Variants in QSOX2 observed in about 807,000 individuals in gnomAD.
QSOX2 encodes quiescin sulfhydryl oxidase 2.
A neutral mutation model predicts 61.7 loss-of-function variants in QSOX2; 46 were observed. The observed-to-expected ratio is 0.75, with a 90% confidence interval of 0.59 to 0.95. The LOEUF (loss-of-function observed/expected upper bound fraction) is 0.95. QSOX2 is among the 40% of genes least tolerant of loss of function. The pLI, the probability that QSOX2 is intolerant of heterozygous loss-of-function variation, is 0.00. For synonymous variants in QSOX2, 383 were observed against 388.4 expected (o/e 0.99, Z 0.16); for missense variants, 879 against 918.9 (o/e 0.96, Z 0.56).
chr9:136,210,501 C>T lies in QSOX2; in HGVS notation c.1549+763G>A, dbSNP rs927654934. ...AAAGCACAGGGAGCTCTGTGGGCGG[C>T]GGCGATGCAGAGGCTGCCAGGGCGG... On this transcript the variant is annotated intron_variant, in intron 11 of 11. Coordinates refer to ENST00000358701, the MANE Select transcript of QSOX2 (RefSeq NM_181701.4). The T allele has an allele frequency of 2.0e-5, 20 of 985,284 alleles. No homozygotes were observed. In the African/African-American group the frequency reaches 2.1e-4, roughly 10 times the overall value. The allele number at this position is 985,284 out of a possible 1,614,324, so 61.0% of individuals were successfully genotyped here.
chr9:136,230,560 C>G (rs1037748789), intron 1 of QSOX2, among the ~76,000 whole-genome samples: 1 of 152,204 alleles, frequency 6.6e-6, no homozygotes, highest in Admixed American at 6.5e-5. Flanking sequence ...TACTCGGCCT[C>G]CGTGACGGCA....
rs1022160159 is a variant in QSOX2 at position 136,206,826 on chromosome 9, C to T, written c.*1902G>A. 7 of 152,354 alleles carry T rather than the reference C, an allele frequency of 4.6e-5. No homozygotes were observed. Among genetic ancestry groups the T allele is most frequent in the Non-Finnish European group, 7.3e-5 (5 of 68,044 alleles). The allele number at this position is 152,354 out of a possible 1,614,324, so 9.4% of individuals were successfully genotyped here. A position where few individuals can be genotyped will look rare whatever the true frequency, so the allele number is the denominator to read the frequency against. On this transcript the variant is annotated 3_prime_UTR_variant, in exon 12 of 12. Transcript: ENST00000358701. ...AGCTGGAGACGGTAAACCACAACAC[C>T]GTCCCAGGTCACTCCAGGTCACCCC...
Position 136,223,189 on chromosome 9 carries a change from C to T in QSOX2, c.675+574G>A, listed in dbSNP as rs980137326. On this transcript the variant is annotated intron_variant, in intron 5 of 11. Coordinates refer to ENST00000358701, the MANE Select transcript of QSOX2 (RefSeq NM_181701.4). The surrounding 1 kb of genome is among the most constrained non-coding windows in gnomAD (Gnocchi z 4.4). ...GGAGAAGCTCAGGGTGAGTGCTGGG[C>T]GAACGCATGTGCAGTGAGGCCTTTC... Among the ~76,000 whole-genome samples, 1 of 152,084 alleles carries T rather than the reference C, an allele frequency of 6.6e-6. No individual in the cohort carries two copies. The highest frequency in any genetic ancestry group is 2.4e-5 in the African/African-American group (1 of 41,388).
rs551893852 is a variant in QSOX2, at chr9:136,227,101, C to T, written c.329-227G>A. 4.6e-5 allele frequency among the ~76,000 whole-genome samples: 7 copies of T among 152,310 alleles called. 1 individual carries two copies. Among genetic ancestry groups the T allele is most frequent in the African/African-American group, 1.7e-4 (7 of 41,554 alleles). On this transcript the variant is annotated intron_variant, in intron 1 of 11. Coordinates refer to ENST00000358701, the MANE Select transcript of QSOX2 (RefSeq NM_181701.4). ...CTACCACAGATAGTCACAGAACAAG[C>T]GGATTTGTGCTGAACCTGCACATCA...
At chr9:136,213,447 G>C (rs1831872496) in intron 10 of QSOX2, among the ~76,000 whole-genome samples, 1 of 151,924 alleles carries the variant, frequency 6.6e-6, no homozygotes. Flanking sequence ...AGATCAGGCA[G>C]TGTGGATGCT....
Position 136,223,435 on chromosome 9 carries a change from T to C in QSOX2, c.675+328A>G, listed in dbSNP as rs1182433278. Among the ~76,000 whole-genome samples the C allele has an allele frequency of 6.6e-6, 1 of 152,160 alleles. No individual in the cohort carries two copies. Among genetic ancestry groups the C allele is most frequent in the South Asian group, 2.1e-4 (1 of 4,802 alleles). On this transcript the variant is annotated intron_variant, in intron 5 of 11. Transcript: ENST00000358701. This position sits in a 1 kb window ranked among gnomAD's most constrained non-coding sequence, Gnocchi z 4.4. ...CGAAAAAAATCTTAGTAATAATGCA[T>C]ACAAAATACAGAATGACCTCAAGGT...
chr9:136,241,695 C>G (rs1453277461), intron 1 of QSOX2, among the ~76,000 whole-genome samples: 1 of 152,238 alleles, frequency 6.6e-6, no homozygotes, highest in African/African-American at 2.4e-5. Flanking sequence ...ATGAGCGCCC[C>G]CGCACTCCTG....
At chr9:136,225,523 G>A (rs1191148344) in intron 2 of QSOX2, among the ~76,000 whole-genome samples, 3 of 152,216 alleles carry the variant, frequency 2.0e-5, no homozygotes, top group Non-Finnish European at 2.9e-5. Flanking sequence ...CACTGCAGCC[G>A]CCAGGGAAAT....
chr9:136,213,841 G>A (rs894083685), intron 10 of QSOX2, among the ~76,000 whole-genome samples: 15 of 152,284 alleles, frequency 9.9e-5, no homozygotes, highest in Non-Finnish European at 1.5e-4. Flanking sequence ...GCATTCCAAG[G>A]TCCCCTGGAC....
Position 136,208,587 on chromosome 9 carries a change from T to G in QSOX2, c.*141A>C. The G allele has an allele frequency of 1.0e-6, 1 of 993,188 alleles. No homozygotes were observed. Among genetic ancestry groups the G allele is most frequent in the Non-Finnish European group, 1.4e-6 (1 of 707,524 alleles). 61.5% of individuals were successfully genotyped at this position (993,188 alleles called of 1,614,324 possible). On this transcript the variant is annotated 3_prime_UTR_variant, in exon 12 of 12. Transcript: ENST00000358701. ...AAGAGCGTTTGTAAAACCAGGACTT[T>G]GAAGCCAAAAGGTGCCATCCGATGT...
chr9:136,216,478 A>T (rs10858248), intron 9 of QSOX2, 122 bp downstream of exon 9: 1 of 1,340,330 alleles, frequency 7.5e-7, no homozygotes, highest in Non-Finnish European at 1.0e-6. Context: ...ACAGTAAGTC[A>T]CTGCTCCCCT....
chr9:136,221,779 C>T lies in QSOX2; in HGVS notation c.821+17G>A. On this transcript the variant is annotated intron_variant, in intron 6 of 11. Transcript: ENST00000358701. This position sits in a 1 kb window ranked among gnomAD's most constrained non-coding sequence, Gnocchi z 4.5. ...TCCGAGCGGCACGGAGTTCCCAGAC[C>T]CCACCCGGGCACTCACACGTTAATC... 1 of 1,578,322 alleles carries T rather than the reference C, an allele frequency of 6.3e-7. No individual in the cohort carries two copies. Among genetic ancestry groups the T allele is most frequent in the South Asian group, 1.2e-5 (1 of 86,074 alleles).
chr9:136,217,373 T>G (rs909800016), intron 8 of QSOX2, among the ~76,000 whole-genome samples: 2 of 152,130 alleles, frequency 1.3e-5, no homozygotes, highest in African/African-American at 4.8e-5. Flanking sequence ...AGCTGAAATC[T>G]CACGGGTGGC....
At chr9:136,215,042 G>T in intron 10 of QSOX2, 112 bp downstream of exon 10, 2 of 1,302,228 alleles carry the variant, frequency 1.5e-6, no homozygotes, top group Non-Finnish European at 2.0e-6. Context: ...CTGCCTCAGT[G>T]GCCTGGCGAC....
chr9:136,238,299 G>A (rs530409571), intron 1 of QSOX2, among the ~76,000 whole-genome samples: 1 of 152,350 alleles, frequency 6.6e-6, no homozygotes, highest in East Asian at 1.9e-4. Context: ...GGGCAGGAGC[G>A]AAACACGCTG....
chr9:136,241,974 C>A (rs1045022096), intron 1 of QSOX2, among the ~76,000 whole-genome samples: 6 of 152,362 alleles, frequency 3.9e-5, no homozygotes, highest in African/African-American at 1.4e-4. Context: ...GGAGATCTCA[C>A]CGGTCAGACG....
At chr9:136,226,524 G>A (rs143469258) in intron 2 of QSOX2, among the ~76,000 whole-genome samples, 2 of 152,262 alleles carry the variant, frequency 1.3e-5, no homozygotes, top group Non-Finnish European at 2.9e-5. Context: ...TCCCCTCCAT[G>A]TGACCGGGTC....
intron 1 of QSOX2, among the ~76,000 whole-genome samples, chr9:136,238,379 C>T (rs1271595911): frequency 2.6e-5 from 4 of 152,026 alleles, no homozygotes; most frequent in South Asian, 2.1e-4. Context: ...ACATGGCCTT[C>T]GGTAACTTTT....
intron 6 of QSOX2, among the ~76,000 whole-genome samples, chr9:136,219,392 T>C (rs1831954682): frequency 6.6e-6 from 1 of 152,226 alleles, no homozygotes; most frequent in South Asian, 2.1e-4. Flanking sequence ...CCAGTTCCAG[T>C]TGTAATAAGT....
Sources: gnomAD v4.1 joint callset for allele counts (sites outside exome capture counted in the v4.1 genomes callset) on GRCh38, gnomAD v4.1.1 for gene constraint, Gnocchi (gnomAD v3.1) non-coding constraint, MANE v1.5 for transcripts, NCBI Gene and HGNC (gene_info 2026-07-23, HGNC 2026-07-21) for gene names.